The following IL1RAPL2 variants were observed in gnomAD, a reference collection of about 807,000 sequenced individuals.
The protein encoded by IL1RAPL2 is X-linked interleukin-1 receptor accessory protein-like 2.
IL1RAPL2 carries 3 observed loss-of-function variants against 44.1 expected under a neutral mutation model. The observed-to-expected ratio is 0.07, with a 90% CI of 0.03 to 0.18. The LOEUF is 0.18. IL1RAPL2 is among the 10% of genes least tolerant of loss of function. The pLI, the probability that IL1RAPL2 is intolerant of heterozygous loss-of-function variation, is 1.00. For synonymous variants in IL1RAPL2, 181 were observed against 178.8 expected (o/e 1.01, Z -0.10); for missense variants, 391 against 496.4 (o/e 0.79, Z 2.02).
At chrX:104,910,034 G>C (rs901573466) in intron 2 of IL1RAPL2, among the ~76,000 whole-genome samples, 4 of 112,694 alleles carry the variant, frequency 3.5e-5, no homozygotes, top group Admixed American at 2.8e-4. Flanking sequence ...CTCCGAGCCA[G>C]GTGGGGAATA....
rs143177313 is a variant in IL1RAPL2 at position 104,852,255 on chromosome X, G to A, written c.82+193260G>A. Among the ~76,000 whole-genome samples the A allele has an allele frequency of 8.9e-3, 1,003 of 112,209 alleles. 6 individuals are homozygous for A. Among genetic ancestry groups the A allele is most frequent in the African/African-American group, 0.031 (946 of 30,910 alleles). On this transcript the variant is annotated intron_variant, in intron 2 of 10. Coordinates refer to ENST00000372582, the MANE Select transcript of IL1RAPL2 (RefSeq NM_017416.2). ...CAGGAAGGTGTAAAGGAAGGCAAAG[G>A]TTTTAAAAGACAGAATGAGGAGGAT...
At chrX:105,060,851 GC>G (rs1476498658) in intron 2 of IL1RAPL2, among the ~76,000 whole-genome samples, 1 of 109,325 alleles carries the variant, frequency 9.1e-6, no homozygotes, top group African/African-American at 3.3e-5. Flanking sequence ...GCTCATAGTG[GC>G]CCCAATGTTC....
chrX:105,082,645 T>C (rs1490187774), intron 2 of IL1RAPL2, among the ~76,000 whole-genome samples: 1 of 111,760 alleles, frequency 8.9e-6, no homozygotes, highest in Admixed American at 9.5e-5. Context: ...CCTCTAGTGA[T>C]ACCCAGGCAA....
chrX:105,012,293 C>A (rs891682570), intron 2 of IL1RAPL2, among the ~76,000 whole-genome samples: 2 of 110,061 alleles, frequency 1.8e-5, no homozygotes, highest in Admixed American at 2.0e-4. Context: ...CCCTGGGATG[C>A]ACAAATCAGT....
chrX:104,857,046 A>T (rs1439952236), intron 2 of IL1RAPL2, among the ~76,000 whole-genome samples: 1 of 112,262 alleles, frequency 8.9e-6, no homozygotes, highest in Non-Finnish European at 1.9e-5. Flanking sequence ...AATTGAAGAC[A>T]TTCCCACAAT....
chrX:105,764,658 T>C (rs2038715194), intron 10 of IL1RAPL2, among the ~76,000 whole-genome samples: 2 of 110,682 alleles, frequency 1.8e-5, no homozygotes, highest in Non-Finnish European at 3.8e-5. Context: ...AATAAAAAAT[T>C]AGCCGAGCAT....
At position 105,311,981 on chromosome X, in the gene IL1RAPL2, C is replaced by T. The variant is rs745886215; in HGVS notation, c.697+44440C>T. On this transcript the variant is annotated intron_variant, in intron 5 of 10. Transcript: ENST00000372582. Reference sequence around the variant, plus strand: ...GTGACATTGTTTACAAGAAAATTGGCGAAAGGAGTTACCAATTCAGACATC... The same window carrying T: ...GTGACATTGTTTACAAGAAAATTGGTGAAAGGAGTTACCAATTCAGACATC... Among the ~76,000 whole-genome samples the T allele has an allele frequency of 9.1e-4, 101 of 111,568 alleles. 1 individual carries two copies. The highest frequency in any genetic ancestry group is 3.0e-3 in the African/African-American group (94 of 30,856).
At chrX:104,829,698 G>A (rs1232443519) in intron 2 of IL1RAPL2, among the ~76,000 whole-genome samples, 3 of 112,497 alleles carry the variant, frequency 2.7e-5, no homozygotes, top group Non-Finnish European at 5.6e-5. Context: ...ACGACGCGAC[G>A]TTTTAATGTA....
At chrX:105,247,461 C>T (rs1244668164) in intron 4 of IL1RAPL2, among the ~76,000 whole-genome samples, 1 of 110,802 alleles carries the variant, frequency 9.0e-6, no homozygotes, top group Admixed American at 9.7e-5. Flanking sequence ...TTGAAAGGGA[C>T]TCAAATGAGG....
At chrX:105,179,181 A>G (rs576544685) in intron 2 of IL1RAPL2, among the ~76,000 whole-genome samples, 99 of 105,900 alleles carry the variant, frequency 9.3e-4, no homozygotes, top group African/African-American at 3.8e-3. Context: ...TTGGTAAGAG[A>G]TAGGAATTCA....
chrX:105,189,045 G>T (rs1215175352), intron 2 of IL1RAPL2, among the ~76,000 whole-genome samples: 1 of 111,601 alleles, frequency 9.0e-6, no homozygotes, highest in African/African-American at 3.3e-5. Flanking sequence ...TAAACAGGAA[G>T]AAACTTTTCT....
At chrX:105,074,704 T>G (rs1474184104) in intron 2 of IL1RAPL2, among the ~76,000 whole-genome samples, 6 of 107,390 alleles carry the variant, frequency 5.6e-5, no homozygotes, top group Non-Finnish European at 1.2e-4. Flanking sequence ...GTTTGTATCC[T>G]CTTTTATTTC....
chrX:104,904,395 G>A (rs1163112536), intron 2 of IL1RAPL2, among the ~76,000 whole-genome samples: 2 of 105,977 alleles, frequency 1.9e-5, no homozygotes, highest in African/African-American at 6.9e-5. Context: ...CTGGTGCGCT[G>A]CACCCACTAA....
At chrX:105,041,089 C>T in intron 2 of IL1RAPL2, among the ~76,000 whole-genome samples, 1 of 104,320 alleles carries the variant, frequency 9.6e-6, no homozygotes, top group African/African-American at 3.5e-5. Context: ...TCTTTGTTCT[C>T]GTTGGTTTCA....
rs780117403 is a variant in IL1RAPL2, at chrX:105,327,623, T to C, written c.697+60082T>C. On this transcript the variant is annotated intron_variant, in intron 5 of 10. Transcript: ENST00000372582. ...TTTTGTATAAGATTCCTTCTAGATA[T>C]CTGTGTGCATCCTCCTTTCATACCA... 1.9e-4 allele frequency among the ~76,000 whole-genome samples: 21 copies of C among 111,750 alleles called. No individual in the cohort carries two copies. The South Asian group carries it at 7.5e-3, about 40-fold the overall frequency.
At chrX:105,138,473 C>CAAAA (rs371757842) in intron 2 of IL1RAPL2, among the ~76,000 whole-genome samples, 1 of 54,476 alleles carries the variant, frequency 1.8e-5, no homozygotes, top group Admixed American at 2.3e-4. Flanking sequence ...ATATAATTAC[C>CAAAA]AAAAAAAAAA....
At chrX:104,848,717 G>T (rs1480217910) in intron 2 of IL1RAPL2, among the ~76,000 whole-genome samples, 1 of 108,048 alleles carries the variant, frequency 9.3e-6, no homozygotes, top group Non-Finnish European at 1.9e-5. Context: ...CTTTTGAGCT[G>T]TCTATCATAT....
intron 2 of IL1RAPL2, among the ~76,000 whole-genome samples, chrX:105,008,096 C>T (rs2030977909): frequency 1.8e-5 from 1 of 54,861 alleles, no homozygotes; most frequent in Non-Finnish European, 3.7e-5. Flanking sequence ...TATTTTGGCT[C>T]ACAGTTATGG....
At chrX:105,752,988 A>G (rs923989286) in intron 9 of IL1RAPL2, 13 of 329,218 alleles carry the variant, frequency 3.9e-5, no homozygotes, top group Non-Finnish European at 7.1e-5. Context: ...GCGAGGTAAA[A>G]TTTATAATCC....
Sources: gnomAD v4.1 joint callset for allele counts (sites outside exome capture counted in the v4.1 genomes callset) on GRCh38, gnomAD v4.1.1 for gene constraint, MANE v1.5 for transcripts, NCBI Gene and HGNC (gene_info 2026-07-23, HGNC 2026-07-21) for gene names.